ATRNL1: variants seen among roughly 807,000 people sequenced by gnomAD.
ATRNL1 encodes the protein attractin-like protein 1.
In ATRNL1, 95 loss-of-function variants were observed where a neutral mutation model predicts 182.7. The ratio of observed to expected loss-of-function variants is 0.52; its 90% CI spans 0.44 to 0.62. The LOEUF is 0.62. Among genes scored for constraint, ATRNL1 ranks in the 20% least tolerant of loss-of-function variants. The probability of loss-of-function intolerance (pLI) is 0.00; values close to 1 mark genes in which losing one functional copy is unlikely to be tolerated. For synonymous variants in ATRNL1, 576 were observed against 568.3 expected (o/e 1.01, Z -0.19); for missense variants, 1,471 against 1,679.5 (o/e 0.88, Z 2.17).
chr10:115,101,240 A>G (rs1051264503), intron 1 of ATRNL1, among the ~76,000 whole-genome samples: 3 of 151,686 alleles, frequency 2.0e-5, no homozygotes, highest in South Asian at 2.1e-4. Flanking sequence ...CAGAACCTCT[A>G]TTACAGTAAT....
chr10:115,809,937 A>G (rs893759660), intron 27 of ATRNL1, among the ~76,000 whole-genome samples: 2 of 151,882 alleles, frequency 1.3e-5, no homozygotes. Context: ...GTTTTGTAAG[A>G]TGGTCTTTAT....
In ATRNL1 at chr10:115,570,089, G is replaced by A. The variant is rs956381569; in HGVS notation, c.3795+20553G>A. Among the ~76,000 whole-genome samples the A allele has an allele frequency of 2.0e-5, 3 of 152,212 alleles. No individual in the cohort carries two copies. In the East Asian group the frequency reaches 5.8e-4, roughly 29 times the overall value. The stretch of plus-strand genomic sequence containing the variant: ...CAATTCTTCTGCCTCAGCCTCCTGA[G>A]TAGCTGGGATTACAGGTGCACACCA... On this transcript the variant is annotated intron_variant, in intron 26 of 28. Transcript: ENST00000355044.
At chr10:115,221,954 TAA>T (rs71010013) in intron 9 of ATRNL1, among the ~76,000 whole-genome samples, 1 of 142,930 alleles carries the variant, frequency 7.0e-6, no homozygotes, top group Non-Finnish European at 1.5e-5. Context: ...TGGCACAAAC[TAA>T]AAAAAAAAGC....
At chr10:115,633,755 T>C (rs1858677458) in intron 26 of ATRNL1, among the ~76,000 whole-genome samples, 1 of 152,166 alleles carries the variant, frequency 6.6e-6, no homozygotes, top group Non-Finnish European at 1.5e-5. Context: ...CACTTTTAGC[T>C]ATCTACCAAG....
intron 28 of ATRNL1, among the ~76,000 whole-genome samples, chr10:115,934,358 C>T (rs1189757263): frequency 6.6e-6 from 1 of 152,166 alleles, no homozygotes; most frequent in Non-Finnish European, 1.5e-5. Flanking sequence ...ATGCTAATTA[C>T]TCCCAATTCT....
chr10:115,471,008 T>G (rs1848284467), intron 24 of ATRNL1, among the ~76,000 whole-genome samples: 1 of 150,676 alleles, frequency 6.6e-6, no homozygotes, highest in Non-Finnish European at 1.5e-5. Context: ...AGTTCATAAG[T>G]TTTTTAGATT....
In ATRNL1 at chr10:115,852,280, A is replaced by C. The variant is rs189504347; in HGVS notation, c.4018+4289A>C. ...AAAGTCTAAGGTTTTGAAATTCTGA[A>C]GTTTTCTACGTTAGCCTTAGAAGTT... On this transcript the variant is annotated intron_variant, in intron 28 of 28. Coordinates refer to ENST00000355044, the MANE Select transcript of ATRNL1 (RefSeq NM_207303.4). Among the ~76,000 whole-genome samples the C allele has an allele frequency of 1.1e-3, 174 of 152,296 alleles. 1 individual carries two copies. Among genetic ancestry groups the C allele is most frequent in the Non-Finnish European group, 2.0e-3 (135 of 68,022 alleles).
At chr10:115,756,092 T>A (rs1555071959) in intron 27 of ATRNL1, among the ~76,000 whole-genome samples, 2 of 152,144 alleles carry the variant, frequency 1.3e-5, no homozygotes. Context: ...GGTCTATCTA[T>A]TTCGTTGATC....
intron 8 of ATRNL1, among the ~76,000 whole-genome samples, chr10:115,189,329 C>A (rs1364305512): frequency 6.6e-6 from 1 of 151,818 alleles, no homozygotes; most frequent in Non-Finnish European, 1.5e-5. Context: ...TTAGAATATA[C>A]TTTTTCTACT....
At chr10:115,609,519 T>A (rs913109180) in intron 26 of ATRNL1, among the ~76,000 whole-genome samples, 8 of 152,212 alleles carry the variant, frequency 5.3e-5, no homozygotes, top group Non-Finnish European at 1.2e-4. Flanking sequence ...ATCACTATTT[T>A]GTAATAATCA....
At chr10:115,538,789 ATTTC>A (rs1852188258) in intron 25 of ATRNL1, among the ~76,000 whole-genome samples, 1 of 152,166 alleles carries the variant, frequency 6.6e-6, no homozygotes, top group African/African-American at 2.4e-5. Context: ...GTTAACATAG[ATTTC>A]TTTCTAACAG....
chr10:115,165,967 G>A (rs1410439743), intron 7 of ATRNL1, among the ~76,000 whole-genome samples: 1 of 152,052 alleles, frequency 6.6e-6, no homozygotes, highest in Non-Finnish European at 1.5e-5. Context: ...GAGTTCAGTG[G>A]CATTAAGTAC....
Position 115,197,889 on chromosome 10 carries a change from A to G in ATRNL1, c.1349-17808A>G, listed in dbSNP as rs532880177. 4.9e-4 allele frequency among the ~76,000 whole-genome samples: 75 copies of G among 152,272 alleles called. 3 individuals carry two copies. The South Asian group carries it at 0.015, about 31-fold the overall frequency. ...ATCATCAATATGCCACATGTTTTTC[A>G]TCTATTCACTCCATTGGATGGACAC... On this transcript the variant is annotated intron_variant, in intron 8 of 28. Transcript: ENST00000355044.
chr10:115,664,792 T>C (rs533131464), intron 26 of ATRNL1, among the ~76,000 whole-genome samples: 1 of 152,294 alleles, frequency 6.6e-6, no homozygotes, highest in South Asian at 2.1e-4. Context: ...AAATCATTTT[T>C]AGGTATTTCT....
At chr10:115,680,409 A>G (rs192084661) in intron 26 of ATRNL1, among the ~76,000 whole-genome samples, 6 of 152,228 alleles carry the variant, frequency 3.9e-5, no homozygotes, top group South Asian at 2.1e-4. Context: ...CCCAGAAATA[A>G]TAGATGTTAT....
chr10:115,199,091 G>A (rs1554891712), intron 8 of ATRNL1, among the ~76,000 whole-genome samples: 1 of 152,026 alleles, frequency 6.6e-6, no homozygotes, highest in African/African-American at 2.4e-5. Flanking sequence ...GATCACTGTG[G>A]GAAGTATGGA....
At chr10:115,459,418 C>T (rs565184089) in intron 21 of ATRNL1, among the ~76,000 whole-genome samples, 4 of 152,198 alleles carry the variant, frequency 2.6e-5, no homozygotes, top group South Asian at 2.1e-4. Flanking sequence ...AAAGAGAATG[C>T]GCACCTAGGG....
At chr10:115,631,836 G>A (rs1858532416) in intron 26 of ATRNL1, among the ~76,000 whole-genome samples, 2 of 152,040 alleles carry the variant, frequency 1.3e-5, no homozygotes, top group African/African-American at 2.4e-5. Flanking sequence ...ATTTTCAATG[G>A]TTTTCTAGGA....
intron 27 of ATRNL1, among the ~76,000 whole-genome samples, chr10:115,729,475 C>G (rs1470806802): frequency 6.9e-6 from 1 of 144,996 alleles, no homozygotes; most frequent in Middle Eastern, 3.3e-3. Context: ...TCTACCAAGG[C>G]TTATTTCAGC....
Sources: gnomAD v4.1 joint callset for allele counts (sites outside exome capture counted in the v4.1 genomes callset) on GRCh38, gnomAD v4.1.1 for gene constraint, MANE v1.5 for transcripts, NCBI Gene and HGNC (gene_info 2026-07-23, HGNC 2026-07-21) for gene names.